SH3BGRL2: variants seen among roughly 807,000 people sequenced by gnomAD.
The protein encoded by SH3BGRL2 is SH3 domain binding glutamate rich protein like 2.
SH3BGRL2 carries 21 observed loss-of-function variants against 14.8 expected under a neutral mutation model. The ratio of observed to expected loss-of-function variants is 1.42; its 90% CI spans 1.01 to 2.05. The LOEUF is 2.05. SH3BGRL2 is among the 30% of genes most tolerant of loss of function. SH3BGRL2 has a pLI of 0.00. For synonymous variants in SH3BGRL2, 50 were observed against 47.8 expected, an observed-to-expected ratio of 1.05 and a Z score of -0.19; for missense variants, 147 against 130.8, an observed-to-expected ratio of 1.12 and a Z score of -0.61.
intron 1 of SH3BGRL2, among the ~76,000 whole-genome samples, chr6:79,662,852 C>T (rs1328797191): frequency 2.0e-5 from 3 of 152,142 alleles, no homozygotes; most frequent in Admixed American, 2.0e-4. Flanking sequence ...TTTCTTTCTA[C>T]TCTTTTTTGT....
At chr6:79,622,443 G>A in the SH3BGRL2 span, among the ~76,000 whole-genome samples, 1 of 152,152 alleles carries the variant, frequency 6.6e-6, no homozygotes, top group African/African-American at 2.4e-5. Flanking sequence ...GTAATGATAC[G>A]TGTTGCAAGT....
chr6:79,686,541 T>C (rs900584484), intron 2 of SH3BGRL2, among the ~76,000 whole-genome samples: 2 of 152,182 alleles, frequency 1.3e-5, no homozygotes, highest in Admixed American at 1.3e-4. Flanking sequence ...ATTCTTTTTA[T>C]CTACTTTCTA....
chr6:79,699,706 A>T lies in SH3BGRL2; in HGVS notation c.*197A>T. The T allele has an allele frequency of 3.0e-6, 2 of 661,706 alleles. No homozygotes were observed. Among genetic ancestry groups the T allele is most frequent in the Middle Eastern group, 3.2e-4 (1 of 3,086 alleles). The allele number at this position is 661,706 out of a possible 1,614,324, so 41.0% of individuals were successfully genotyped here. On this transcript the variant is annotated 3_prime_UTR_variant, in exon 4 of 4. Coordinates refer to ENST00000369838, the MANE Select transcript of SH3BGRL2 (RefSeq NM_031469.4). ...TGCTTTAAACCAAATCAGGTGGTGG[A>T]TTTTTTTTTTCTTATTCTATTTGCC... is the stretch of plus-strand genomic sequence containing the variant.
chr6:79,538,018 GTTTTTTTTTTTTTTTTTTT>G, the SH3BGRL2 span, among the ~76,000 whole-genome samples: 17 of 44,164 alleles, frequency 3.8e-4, no homozygotes, highest in East Asian at 3.2e-3. Flanking sequence ...TTGCACACAA[GTTTTTTTTTTTTTTTTTTT>G]TTTTTTTTTT....
chr6:79,540,304 G>A, the SH3BGRL2 span, among the ~76,000 whole-genome samples: 3 of 151,900 alleles, frequency 2.0e-5, no homozygotes, highest in Non-Finnish European at 2.9e-5. Flanking sequence ...GCGTGGTGGC[G>A]GGTGCCTGTA....
the SH3BGRL2 span, among the ~76,000 whole-genome samples, chr6:79,607,504 T>C: frequency 6.6e-6 from 1 of 152,158 alleles, no homozygotes; most frequent in African/African-American, 2.4e-5. Flanking sequence ...ATCTATGGCA[T>C]TGTTAGATGT....
chr6:79,692,580 G>A (rs1267635280), intron 2 of SH3BGRL2, among the ~76,000 whole-genome samples: 1 of 152,130 alleles, frequency 6.6e-6, no homozygotes, highest in African/African-American at 2.4e-5. Context: ...CATATGGCTA[G>A]CCAGTTTTCC....
chr6:79,575,775 AT>A, the SH3BGRL2 span, among the ~76,000 whole-genome samples: 7 of 149,446 alleles, frequency 4.7e-5, no homozygotes, highest in Non-Finnish European at 7.5e-5. Context: ...ATATAGCTAA[AT>A]TTTTAAAAAT....
chr6:79,546,111 G>A, the SH3BGRL2 span, among the ~76,000 whole-genome samples: 444 of 152,244 alleles, frequency 2.9e-3, 4 homozygotes, highest in Non-Finnish European at 2.6e-3. Context: ...GCAATTTCAC[G>A]TGTCTTGGTC....
chr6:79,540,631 GT>G, the SH3BGRL2 span, among the ~76,000 whole-genome samples: 25 of 151,204 alleles, frequency 1.7e-4, no homozygotes, highest in African/African-American at 5.3e-4. Flanking sequence ...AAATGTACGA[GT>G]TTTTTTTTGT....
the SH3BGRL2 span, among the ~76,000 whole-genome samples, chr6:79,608,633 A>C: frequency 6.6e-6 from 1 of 152,202 alleles, no homozygotes; most frequent in Non-Finnish European, 1.5e-5. Context: ...TTTTATAAAG[A>C]TTCCTAGAAT....
the SH3BGRL2 span, among the ~76,000 whole-genome samples, chr6:79,538,443 C>A: frequency 6.6e-6 from 1 of 152,098 alleles, no homozygotes; most frequent in East Asian, 1.9e-4. Context: ...ACTAACCCAC[C>A]CAAACAATAT....
chr6:79,597,329 GAAAAGAA>G, the SH3BGRL2 span, among the ~76,000 whole-genome samples: 27 of 147,188 alleles, frequency 1.8e-4, no homozygotes, highest in African/African-American at 6.5e-4. Flanking sequence ...GAAAAGAAAA[GAAAAGAA>G]AAAAGAAAAG....
the SH3BGRL2 span, among the ~76,000 whole-genome samples, chr6:79,560,074 C>G: frequency 6.6e-6 from 1 of 152,022 alleles, no homozygotes; most frequent in Non-Finnish European, 1.5e-5. Flanking sequence ...AACAGTTTTG[C>G]CTGTGGTTCA....
chr6:79,619,748 G>A, the SH3BGRL2 span, among the ~76,000 whole-genome samples: 134 of 152,296 alleles, frequency 8.8e-4, no homozygotes, highest in Middle Eastern at 3.4e-3. Context: ...GGATGAATGA[G>A]GGGAGGTGTG....
chr6:79,669,735 G>T (rs756242265), intron 1 of SH3BGRL2, among the ~76,000 whole-genome samples: 1 of 152,030 alleles, frequency 6.6e-6, no homozygotes, highest in Non-Finnish European at 1.5e-5. Flanking sequence ...GTGACCCACC[G>T]CACCCAGCCA....
the SH3BGRL2 span, among the ~76,000 whole-genome samples, chr6:79,576,640 TGG>T: frequency 1.4e-4 from 22 of 152,174 alleles, no homozygotes; most frequent in Non-Finnish European, 2.6e-4. Flanking sequence ...TCAACATTAT[TGG>T]GGTATAATTT....
At chr6:79,640,045 A>G (rs986127876) in intron 1 of SH3BGRL2, among the ~76,000 whole-genome samples, 1 of 152,208 alleles carries the variant, frequency 6.6e-6, no homozygotes, top group African/African-American at 2.4e-5. Context: ...GCTTAAGAAC[A>G]TATCAATGAG....
chr6:79,660,190 G>A (rs1322769914), intron 1 of SH3BGRL2, among the ~76,000 whole-genome samples: 1 of 152,150 alleles, frequency 6.6e-6, no homozygotes, highest in Non-Finnish European at 1.5e-5. Context: ...AATCGGAGTG[G>A]TGAAAGAGGG....
Sources: gnomAD v4.1 joint callset for allele counts (sites outside exome capture counted in the v4.1 genomes callset) on GRCh38, gnomAD v4.1.1 for gene constraint, MANE v1.5 for transcripts, NCBI Gene and HGNC (gene_info 2026-07-23, HGNC 2026-07-21) for gene names.